CFAP96: variants seen among roughly 807,000 people sequenced by gnomAD.
CFAP96 encodes the protein cilia-and flagella-associated protein 96.
chr4:185,433,846 G>C, the CFAP96 span, among the ~76,000 whole-genome samples: 1 of 152,100 alleles, frequency 6.6e-6, no homozygotes, highest in South Asian at 2.1e-4. Flanking sequence ...AGGCTGCAGT[G>C]AGCCAAGATT....
the CFAP96 span, among the ~76,000 whole-genome samples, chr4:185,435,149 G>A: frequency 6.6e-6 from 1 of 152,144 alleles, no homozygotes; most frequent in African/African-American, 2.4e-5. Flanking sequence ...TCCTTTATCT[G>A]CATTATCCCT....
chr4:185,432,244 C>G, the CFAP96 span: 4 of 1,347,380 alleles, frequency 3.0e-6, no homozygotes, highest in Non-Finnish European at 4.1e-6. Flanking sequence ...CCTCCTGTAC[C>G]TTTATCCCTA....
At chr4:185,419,064 C>A in the CFAP96 span, among the ~76,000 whole-genome samples, 9 of 152,112 alleles carry the variant, frequency 5.9e-5, no homozygotes, top group African/African-American at 2.2e-4. Flanking sequence ...AAACCCTGTA[C>A]CTACCAGCAG....
the CFAP96 span, among the ~76,000 whole-genome samples, chr4:185,442,502 G>A: frequency 6.6e-6 from 1 of 151,850 alleles, no homozygotes; most frequent in South Asian, 2.1e-4. Flanking sequence ...CAAAATAACT[G>A]GCCACTTCAT....
the CFAP96 span, among the ~76,000 whole-genome samples, chr4:185,426,895 A>T: frequency 6.9e-6 from 1 of 145,846 alleles, no homozygotes; most frequent in African/African-American, 2.6e-5. Context: ...AAAAAAAAAA[A>T]AAAAAAAAAA....
At chr4:185,447,337 A>G in the CFAP96 span, among the ~76,000 whole-genome samples, 1 of 151,596 alleles carries the variant, frequency 6.6e-6, no homozygotes, top group African/African-American at 2.4e-5. Context: ...GCCCGCCACC[A>G]CGCCCGGCTA....
At chr4:185,413,940 A>C in the CFAP96 span, 1 of 1,389,908 alleles carries the variant, frequency 7.2e-7, no homozygotes, top group Admixed American at 2.7e-5. Context: ...TCAATAAATA[A>C]AGATGTTATT....
At chr4:185,412,326 T>C in the CFAP96 span, among the ~76,000 whole-genome samples, 2 of 152,214 alleles carry the variant, frequency 1.3e-5, no homozygotes, top group East Asian at 3.8e-4. Flanking sequence ...CTATGGAAGC[T>C]GGTTGGCCCA....
chr4:185,432,202 G>A, the CFAP96 span: 27 of 1,549,052 alleles, frequency 1.7e-5, no homozygotes, highest in East Asian at 4.9e-5. Flanking sequence ...AGAAAAAGCC[G>A]TAAGTGTTTT....
chr4:185,441,717 A>G, the CFAP96 span, among the ~76,000 whole-genome samples: 2 of 151,644 alleles, frequency 1.3e-5, no homozygotes, highest in Non-Finnish European at 2.9e-5. Context: ...ATCCTTTTGC[A>G]TTTAAATATT....
chr4:185,443,320 G>GTATATACA, the CFAP96 span, among the ~76,000 whole-genome samples: 1 of 55,992 alleles, frequency 1.8e-5, no homozygotes, highest in African/African-American at 6.4e-5. Context: ...TATTTTTTAT[G>GTATATACA]TATATATATA....
chr4:185,425,413 A>AT, the CFAP96 span, among the ~76,000 whole-genome samples: 2 of 152,296 alleles, frequency 1.3e-5, no homozygotes, highest in East Asian at 3.9e-4. Flanking sequence ...AGGAGAACGC[A>AT]TAGGGTGTAA....
chr4:185,426,757 C>T, the CFAP96 span, among the ~76,000 whole-genome samples: 6 of 151,806 alleles, frequency 4.0e-5, no homozygotes, highest in Admixed American at 2.6e-4. Context: ...GCGGGCCGGG[C>T]GCGGTGGCTG....
the CFAP96 span, among the ~76,000 whole-genome samples, chr4:185,419,256 C>G: frequency 6.6e-6 from 1 of 152,068 alleles, no homozygotes; most frequent in African/African-American, 2.4e-5. Context: ...CTCAGCCTCC[C>G]GAGTAGCTGG....
At chr4:185,416,381 C>A in the CFAP96 span, among the ~76,000 whole-genome samples, 2 of 152,160 alleles carry the variant, frequency 1.3e-5, no homozygotes, top group Non-Finnish European at 2.9e-5. Context: ...TAACTATATA[C>A]CCCTGGTCTA....
At chr4:185,444,508 ACTTT>A in the CFAP96 span, among the ~76,000 whole-genome samples, 3 of 152,036 alleles carry the variant, frequency 2.0e-5, no homozygotes, top group African/African-American at 4.8e-5. Context: ...TTTCCTCTCA[ACTTT>A]CTATTTCTTT....
chr4:185,422,375 T>C, the CFAP96 span: 1 of 809,826 alleles, frequency 1.2e-6, no homozygotes, highest in Non-Finnish European at 2.0e-6. Flanking sequence ...ACTAACAATA[T>C]AATCTTAGTT....
the CFAP96 span, chr4:185,425,979 T>A: frequency 7.9e-7 from 1 of 1,261,034 alleles, no homozygotes; most frequent in Non-Finnish European, 1.1e-6. Flanking sequence ...GCGGACCAAC[T>A]ACAACTCCCG....
the CFAP96 span, chr4:185,422,485 C>T: frequency 1.2e-6 from 2 of 1,607,014 alleles, no homozygotes; most frequent in Non-Finnish European, 1.7e-6. Context: ...GAAGACCTAC[C>T]ATTAGGAGTA....
Sources: allele counts gnomAD v4.1 joint callset (sites outside exome capture counted in the v4.1 genomes callset), GRCh38; gene constraint gnomAD v4.1.1; transcripts MANE v1.5; gene names NCBI Gene and HGNC (gene_info 2026-07-23, HGNC 2026-07-21).